Variants in CACNA1I observed in about 807,000 individuals in gnomAD.
The protein encoded by CACNA1I is voltage-dependent T-type calcium channel subunit alpha-1I.
CACNA1I carries 74 observed loss-of-function variants against 201.6 expected under a neutral mutation model. The ratio of observed to expected loss-of-function variants is 0.37; its 90% CI spans 0.30 to 0.45. The LOEUF (loss-of-function observed/expected upper bound fraction) is 0.45. Among genes scored for constraint, CACNA1I ranks in the 20% least tolerant of loss-of-function variants. The pLI is 1.00. For missense variants in CACNA1I, 2,346 were observed against 3,138.1 expected (o/e 0.75, Z 6.03); for synonymous variants, 1,431 against 1,345.2 (o/e 1.06, Z -1.40).
Position 39,672,307 on chromosome 22 carries a change from C to T in CACNA1I, c.4648C>T (p.Arg1550Ter), listed in dbSNP as rs747185563. The T allele has an allele frequency of 5.0e-6, 8 of 1,599,476 alleles. No individual in the cohort carries two copies. The highest frequency in any genetic ancestry group is 1.7e-5 in the Admixed American group (1 of 59,972). The change falls in exon 27 of 37, where the codon CGA (arginine) becomes TGA (stop). Residue 1550 changes from arginine to a stop codon, truncating the protein, a stop_gained and splice_region_variant. Transcript: ENST00000402142. LOFTEE classifies it high-confidence loss of function. ...AFGLRRFFKD[R>*]WNQLDLAIVL... is the part of the protein sequence containing the mutation. ...TGGTCTGAGGCGCTTCTTCAAGGAC[C>T]GGTGAGTGGCCAGGCTGGATTAGGG...
In CACNA1I at chr22:39,575,670, G is replaced by A. The variant is rs531261284; in HGVS notation, c.236+4682G>A. On this transcript the variant is annotated intron_variant, in intron 1 of 36. Coordinates refer to ENST00000402142, the MANE Select transcript of CACNA1I (RefSeq NM_021096.4). Reference sequence around the variant, plus strand: ...GCAGACATTGCTAATCGAGCCTGCCGGCATTCTCCAGCAGGGCACCTCTGG... The same window carrying A: ...GCAGACATTGCTAATCGAGCCTGCCAGCATTCTCCAGCAGGGCACCTCTGG... Among the ~76,000 whole-genome samples, 16 of 152,224 alleles carry A rather than the reference G, an allele frequency of 1.1e-4. No individual in the cohort carries two copies. The East Asian group carries it at 1.2e-3, about 11-fold the overall frequency.
intron 23 of CACNA1I, among the ~76,000 whole-genome samples, chr22:39,667,767 G>A (rs752227621): frequency 6.6e-6 from 1 of 152,150 alleles, no homozygotes; most frequent in Admixed American, 6.5e-5. Flanking sequence ...TAGACATCAA[G>A]GAACTTGCCC....
In CACNA1I at chr22:39,643,173, G is replaced by A. The variant is rs115623159; in HGVS notation, c.1149+284G>A. On this transcript the variant is annotated intron_variant, in intron 7 of 36. Transcript: ENST00000402142. ...CTCTGCTCCTGTTTCTCTGCCTCGT[G>A]TCTCTGGGCTACATTCTTTGCATGA... is the stretch of plus-strand genomic sequence containing the variant. 5.6e-3 allele frequency among the ~76,000 whole-genome samples: 857 copies of A among 152,318 alleles called. 4 individuals are homozygous for A. The highest frequency in any genetic ancestry group is 0.019 in the African/African-American group (793 of 41,568).
Position 39,668,602 on chromosome 22 carries a change from C to T in CACNA1I, c.4194+221C>T, listed in dbSNP as rs563244202. ...TCGTTCCATTTGCTTTGGCAAACCC[C>T]CCCACTTTGTGTGAAGAGGCATCTG... On this transcript the variant is annotated intron_variant, in intron 24 of 36. Transcript: ENST00000402142. Among the ~76,000 whole-genome samples, 3 of 152,300 alleles carry T rather than the reference C, an allele frequency of 2.0e-5. No individual in the cohort carries two copies. In the South Asian group the frequency reaches 6.2e-4, roughly 32 times the overall value.
rs3044380 is a variant in CACNA1I, at chr22:39,598,941, G to GTTTTTT, written c.348+698_348+703dup. Among the ~76,000 whole-genome samples the GTTTTTT allele has an allele frequency of 6.9e-3, 473 of 68,262 alleles. 33 individuals carry two copies. The highest frequency in any genetic ancestry group is 0.017 in the African/African-American group (261 of 15,596). 44.8% of individuals were successfully genotyped at this position (68,262 alleles called of 152,430 possible). A position where few individuals can be genotyped will look rare whatever the true frequency, so the allele number is the denominator to read the frequency against. On this transcript the variant is annotated intron_variant, in intron 2 of 36. Transcript: ENST00000402142. ...GGAGGCATTGCTTTCTGCCTCTTGGGTTTTTTTTTTTTTTTTTTTTTTTTG... is the reference window on the plus strand; with the variant it reads ...GGAGGCATTGCTTTCTGCCTCTTGGGTTTTTTTTTTTTTTTTTTTTTTTTTTTTTTG...
chr22:39,588,542 C>T (rs538776426), intron 1 of CACNA1I, among the ~76,000 whole-genome samples: 5 of 151,890 alleles, frequency 3.3e-5, no homozygotes, highest in Non-Finnish European at 7.4e-5. Context: ...CCCACCACCA[C>T]GCCCGGCTTA....
chr22:39,601,835 TTCCCTCCCTCCCTCCC>T (rs1300230702), intron 3 of CACNA1I, among the ~76,000 whole-genome samples: 1 of 79,006 alleles, frequency 1.3e-5, no homozygotes, highest in African/African-American at 3.2e-5. Context: ...CCTTCCTTCC[TTCCCTCCCTCCCTCCC>T]TCCCTCCTTC....
Position 39,662,136 on chromosome 22 carries a change from G to A in CACNA1I, c.3073G>A (p.Gly1025Arg), listed in dbSNP as rs1378746731. ...ARVCEVAADE[G>R]PPRAAPLHTP... ...GGTCTGCGAGGTTGCCGCGGACGAG[G>A]GGCCGCCGCGGGCCGCACCCCTGCA... The change falls in exon 17 of 37, where the codon GGG becomes AGG. Residue 1025 changes from glycine (G) to arginine (R), a missense_variant. By Grantham distance (125) the Gly-to-Arg change is moderately radical. Around this residue, in one of 13 missense-constraint regions of CACNA1I, gnomAD observed 288 missense variants for 255.2 expected, o/e 1.13. Transcript: ENST00000402142. 1 of 1,525,238 alleles carries A rather than the reference G, an allele frequency of 6.6e-7. No homozygotes were observed. Among genetic ancestry groups the A allele is most frequent in the Non-Finnish European group, 8.8e-7 (1 of 1,140,294 alleles). 94.5% of individuals were successfully genotyped at this position (1,525,238 alleles called of 1,614,324 possible). A position where few individuals can be genotyped will look rare whatever the true frequency, so the allele number is the denominator to read the frequency against.
chr22:39,618,831 C>T (rs1011983611), intron 3 of CACNA1I, among the ~76,000 whole-genome samples: 1 of 151,986 alleles, frequency 6.6e-6, no homozygotes, highest in African/African-American at 2.4e-5. Flanking sequence ...CAGAGGTCTG[C>T]CTCTTGAGGG....
At position 39,649,353 on chromosome 22, in the gene CACNA1I, A is replaced by C. The variant is rs2146430307; in HGVS notation, c.1568-148A>C. 1.3e-6 allele frequency: 1 copy of C among 770,440 alleles called. No homozygotes were observed. Among genetic ancestry groups the C allele is most frequent in the South Asian group, 1.9e-5 (1 of 51,780 alleles). 47.7% of individuals were successfully genotyped at this position (770,440 alleles called of 1,614,324 possible). On this transcript the variant is annotated intron_variant, in intron 9 of 36. Transcript: ENST00000402142. The surrounding 1 kb of genome is among the most constrained non-coding windows in gnomAD (Gnocchi z 7.3). ...CTCAGAGAGCTGCAGCCGCTTCCCC[A>C]GGCACCCCTGACCGCCTTTCCAGGC...
chr22:39,620,782 C>T (rs946877020), intron 4 of CACNA1I, among the ~76,000 whole-genome samples: 7 of 151,978 alleles, frequency 4.6e-5, no homozygotes, highest in South Asian at 2.1e-4. Flanking sequence ...AGACACAGCC[C>T]GTAGCTCTGT....
rs1286874717 is a variant in CACNA1I at position 39,665,647 on chromosome 22, A to G, written c.3978+23A>G. 3 of 1,611,908 alleles carry G rather than the reference A, an allele frequency of 1.9e-6. No homozygotes were observed. The highest frequency in any genetic ancestry group is 2.5e-6 in the Non-Finnish European group (3 of 1,178,474). ...CAGGTGAGGGGTGCCCAGTCTGGGC[A>G]GGGACTGGGCTCTGTGACTGGGGAA... On this transcript the variant is annotated intron_variant, in intron 22 of 36. Transcript: ENST00000402142. The surrounding 1 kb of genome is among the most constrained non-coding windows in gnomAD (Gnocchi z 5.5).
chr22:39,670,301 T>G (rs1395529322), intron 25 of CACNA1I, 71 bp downstream of exon 25: 2 of 1,484,716 alleles, frequency 1.3e-6, no homozygotes, highest in African/African-American at 1.4e-5. Context: ...GACCCCAGCC[T>G]CCTGAGCCTT....
chr22:39,576,667 C>T (rs1048629589), intron 1 of CACNA1I, among the ~76,000 whole-genome samples: 2 of 152,224 alleles, frequency 1.3e-5, no homozygotes, highest in Non-Finnish European at 2.9e-5. Context: ...AGGGCGCCAG[C>T]CTGCGGGGAG....
chr22:39,575,480 C>T (rs940082746), intron 1 of CACNA1I, among the ~76,000 whole-genome samples: 1 of 152,128 alleles, frequency 6.6e-6, no homozygotes. Context: ...ACTGCTGAGT[C>T]AACACTCTGC....
intron 4 of CACNA1I, among the ~76,000 whole-genome samples, chr22:39,626,981 G>C (rs115770851): frequency 0.017 from 2,628 of 152,340 alleles, 81 homozygotes; most frequent in African/African-American, 0.058. Context: ...GAAGCAGGCA[G>C]AGGGGTTGAC....
chr22:39,669,822 C>T (rs546020924), intron 24 of CACNA1I, among the ~76,000 whole-genome samples: 1 of 152,274 alleles, frequency 6.6e-6, no homozygotes, highest in African/African-American at 2.4e-5. Context: ...AGCCACTGAG[C>T]AGGGAAGGAG....
At position 39,684,659 on chromosome 22, in the gene CACNA1I, T is replaced by C. The variant is rs1026360056; in HGVS notation, c.6027+161T>C. ...GGGAACGCTGGGGTGACGCTGAGAC[T>C]GGAGGGGGAGGTGGCACTGGGGCGG... On this transcript the variant is annotated intron_variant, in intron 36 of 36. Transcript: ENST00000402142. The surrounding 1 kb of genome is among the most constrained non-coding windows in gnomAD (Gnocchi z 4.6). 2.1e-5 allele frequency: 13 copies of C among 627,546 alleles called. No homozygotes were observed. In the Admixed American group the frequency reaches 3.4e-4, roughly 17 times the overall value. The allele number at this position is 627,546 out of a possible 1,614,324, so 38.9% of individuals were successfully genotyped here.
chr22:39,646,362 G>T (rs1037541608), intron 7 of CACNA1I, among the ~76,000 whole-genome samples: 6 of 151,704 alleles, frequency 4.0e-5, no homozygotes, highest in African/African-American at 1.5e-4. Context: ...CCTTGCTCTG[G>T]CCTCTGTGTC....
Sources: allele counts gnomAD v4.1 joint callset (sites outside exome capture counted in the v4.1 genomes callset), GRCh38; gene constraint gnomAD v4.1.1; regional missense constraint gnomAD v4.1.1; non-coding constraint Gnocchi (gnomAD v3.1); transcripts MANE v1.5; gene names NCBI Gene and HGNC (gene_info 2026-07-23, HGNC 2026-07-21).